Variants in MRTFB observed in about 807,000 individuals in gnomAD.
The protein encoded by MRTFB is myocardin-related transcription factor B.
Under a neutral mutation model 104.2 loss-of-function variants are expected in MRTFB, and 29 were observed. The ratio of observed to expected loss-of-function variants is 0.28; its 90% CI spans 0.21 to 0.38. The LOEUF (loss-of-function observed/expected upper bound fraction) is 0.38. Ranked by LOEUF, MRTFB falls within the 10% of genes least tolerant of loss-of-function variation. The pLI, the probability that MRTFB is intolerant of heterozygous loss-of-function variation, is 1.00. For missense variants in MRTFB, 1,270 were observed against 1,341.6 expected, an observed-to-expected ratio of 0.95 and a Z score of 0.83; for synonymous variants, 535 against 519.5, an observed-to-expected ratio of 1.03 and a Z score of -0.41.
At chr16:14,078,620 G>A (rs1427849619) in intron 1 of MRTFB, among the ~76,000 whole-genome samples, 3 of 150,122 alleles carry the variant, frequency 2.0e-5, no homozygotes, top group African/African-American at 7.4e-5. Flanking sequence ...TTAAAGAGAC[G>A]GTATTACCAT....
chr16:14,246,435 C>G (rs2043020124), intron 11 of MRTFB, 38 bp from the exon 12 acceptor site: 1 of 1,598,868 alleles, frequency 6.3e-7, no homozygotes, highest in East Asian at 2.2e-5. Context: ...TGCCAGAAAG[C>G]TCTAATACTA....
intron 10 of MRTFB, chr16:14,241,338 G>A (rs1257776033): frequency 6.6e-6 from 1 of 152,372 alleles, no homozygotes; most frequent in Non-Finnish European, 1.5e-5. Flanking sequence ...GGGGACGGAA[G>A]GGAGTGAATT....
chr16:14,000,130 A>G, the MRTFB span, among the ~76,000 whole-genome samples: 2 of 152,146 alleles, frequency 1.3e-5, no homozygotes, highest in Non-Finnish European at 2.9e-5. Flanking sequence ...GGCGGCTCTA[A>G]GCCTGACATT....
chr16:14,061,060 G>A, the MRTFB span, among the ~76,000 whole-genome samples: 1 of 152,086 alleles, frequency 6.6e-6, no homozygotes, highest in Non-Finnish European at 1.5e-5. Flanking sequence ...GCAGGAGAAT[G>A]GCGTGAACCT....
chr16:14,236,562 C>A (rs1348231699), intron 9 of MRTFB, among the ~76,000 whole-genome samples: 1 of 152,032 alleles, frequency 6.6e-6, no homozygotes, highest in Admixed American at 6.6e-5. Context: ...AGAGACGTGT[C>A]TTTTAAATGA....
Position 14,258,084 on chromosome 16 carries a change from A to T in MRTFB, c.2704-17A>T, listed in dbSNP as rs755782100. ...TTTGTATGAAAGAAACCTAATTTGTACTCTCCTTCATTGTAGATTTCCAAC... is the reference window on the plus strand; with the variant it reads ...TTTGTATGAAAGAAACCTAATTTGTTCTCTCCTTCATTGTAGATTTCCAAC... On this transcript the variant is annotated splice_polypyrimidine_tract_variant and intron_variant, in intron 15 of 16. Coordinates refer to ENST00000571589, the MANE Select transcript of MRTFB (RefSeq NM_001308142.2). 358 of 1,610,012 alleles carry T rather than the reference A, an allele frequency of 2.2e-4. No homozygotes were observed. Among genetic ancestry groups the T allele is most frequent in the Non-Finnish European group, 2.8e-4 (328 of 1,176,606 alleles).
the MRTFB span, among the ~76,000 whole-genome samples, chr16:14,040,048 G>A: frequency 2.0e-5 from 3 of 152,084 alleles, no homozygotes; most frequent in Non-Finnish European, 4.4e-5. Flanking sequence ...GCGCCCAGCC[G>A]ATAATATGTT....
intron 2 of MRTFB, among the ~76,000 whole-genome samples, chr16:14,127,069 T>A (rs1272211084): frequency 6.6e-6 from 1 of 152,226 alleles, no homozygotes; most frequent in Non-Finnish European, 1.5e-5. Flanking sequence ...CTTAGGGGGT[T>A]AACTAACTTG....
intron 9 of MRTFB, among the ~76,000 whole-genome samples, chr16:14,235,001 T>A (rs2042431059): frequency 6.6e-6 from 1 of 152,138 alleles, no homozygotes; most frequent in Admixed American, 6.5e-5. Context: ...AAAAGGATAT[T>A]ACAGTTAGCT....
intron 2 of MRTFB, among the ~76,000 whole-genome samples, chr16:14,123,673 C>T (rs551642483): frequency 7.9e-5 from 12 of 152,138 alleles, no homozygotes; most frequent in South Asian, 4.2e-4. Flanking sequence ...GTTACTAGCC[C>T]TGTCATATAG....
chr16:14,017,704 TATA>T, the MRTFB span, among the ~76,000 whole-genome samples: 2 of 35,504 alleles, frequency 5.6e-5, no homozygotes, highest in Non-Finnish European at 7.4e-5. Context: ...TATATATATA[TATA>T]TATATTTTTT....
intron 8 of MRTFB, among the ~76,000 whole-genome samples, chr16:14,233,415 G>A (rs1648014937): frequency 6.6e-6 from 1 of 152,156 alleles, no homozygotes; most frequent in Non-Finnish European, 1.5e-5. Context: ...GGTAGGTCGA[G>A]TGTGATGCAG....
intron 3 of MRTFB, chr16:14,170,425 A>T (rs1242974837): frequency 6.6e-6 from 1 of 152,196 alleles, no homozygotes; most frequent in Non-Finnish European, 1.5e-5. Context: ...TCTGTTAAAA[A>T]ACAAAAACTT....
At chr16:14,026,094 G>A in the MRTFB span, among the ~76,000 whole-genome samples, 1 of 152,116 alleles carries the variant, frequency 6.6e-6, no homozygotes, top group African/African-American at 2.4e-5. Flanking sequence ...AATCCCACTA[G>A]TGGTTTTTTT....
chr16:14,240,939 G>T, intron 10 of MRTFB: 1 of 606,650 alleles, frequency 1.6e-6, no homozygotes, highest in Non-Finnish European at 2.9e-6. Context: ...ACAGGGGAAT[G>T]CTGTGAGCAC....
At chr16:14,082,644 G>A (rs748329832) in intron 2 of MRTFB, among the ~76,000 whole-genome samples, 3 of 152,118 alleles carry the variant, frequency 2.0e-5, no homozygotes, top group South Asian at 2.1e-4. Context: ...GCCAGGTGTG[G>A]TCATTTGTAC....
Position 14,258,173 on chromosome 16 carries a change from G to A in MRTFB, c.2764+12G>A. 7 of 1,611,868 alleles carry A rather than the reference G, an allele frequency of 4.3e-6. No individual in the cohort carries two copies. Among genetic ancestry groups the A allele is most frequent in the Non-Finnish European group, 5.9e-6 (7 of 1,178,116 alleles). On this transcript the variant is annotated intron_variant, in intron 16 of 16. Coordinates refer to ENST00000571589, the MANE Select transcript of MRTFB (RefSeq NM_001308142.2). ...CATTAAGAGTGGAGGTAAGTCAAAA[G>A]TCACATCAGATCCTCCCAGGAAGTC...
At chr16:14,051,261 CAGACACACACGGACACACTCATAT>C in the MRTFB span, among the ~76,000 whole-genome samples, 1 of 151,870 alleles carries the variant, frequency 6.6e-6, no homozygotes, top group Non-Finnish European at 1.5e-5. Context: ...CATAGACATA[CAGACACACACGGACACACTCATAT>C]AGACACACAC....
chr16:14,158,573 T>G (rs1487642756), intron 3 of MRTFB, among the ~76,000 whole-genome samples: 1 of 152,226 alleles, frequency 6.6e-6, no homozygotes, highest in African/African-American at 2.4e-5. Flanking sequence ...AAATATAACT[T>G]TCACATGAAA....
Sources: allele counts gnomAD v4.1 joint callset (sites outside exome capture counted in the v4.1 genomes callset), GRCh38; gene constraint gnomAD v4.1.1; transcripts MANE v1.5; gene names NCBI Gene and HGNC (gene_info 2026-07-23, HGNC 2026-07-21).